The following MAP7 variants were observed in gnomAD, a reference collection of about 807,000 sequenced individuals.
MAP7 encodes the protein ensconsin.
Under a neutral mutation model 94.8 loss-of-function variants are expected in MAP7, and 52 were observed. The observed-to-expected ratio is 0.55, with a 90% confidence interval of 0.44 to 0.69. The LOEUF (loss-of-function observed/expected upper bound fraction) is 0.69, where lower values mean the gene tolerates loss of function less well. MAP7 is among the 30% of genes least tolerant of loss of function. The pLI, the probability that MAP7 is intolerant of heterozygous loss-of-function variation, is 0.00. For missense variants in MAP7, 940 were observed against 964.6 expected (o/e 0.97, Z 0.34); for synonymous variants, 350 against 357.0 (o/e 0.98, Z 0.22).
Position 136,361,021 on chromosome 6 carries a change from T to A in MAP7, c.1685A>T (p.Glu562Val), listed in dbSNP as rs1331193313. 1 of 1,574,794 alleles carries A rather than the reference T, an allele frequency of 6.4e-7. No individual in the cohort carries two copies. Among genetic ancestry groups the A allele is most frequent in the Non-Finnish European group, 8.6e-7 (1 of 1,166,756 alleles). ...CGGCCGCACCTGCCTCTGGGCGCGC[T>A]CTGCCTCCTCCCGCTCGCGCAGCGC... ...ERALREREEA[E>V]RAQRQKEEEA... The change falls in exon 12 of 18, where the codon GAG (glutamate) becomes GTG (valine). Residue 562 changes from glutamate (E) to valine (V), a missense_variant. Glu to Val is a moderately radical substitution (Grantham distance 121, BLOSUM62 -2). Coordinates refer to ENST00000354570, the MANE Select transcript of MAP7 (RefSeq NM_003980.6).
intron 1 of MAP7, among the ~76,000 whole-genome samples, chr6:136,458,019 T>G (rs1803914158): frequency 6.6e-6 from 1 of 152,130 alleles, no homozygotes; most frequent in Non-Finnish European, 1.5e-5. Flanking sequence ...CATGATCTTA[T>G]TTGTAAAAAA....
Position 136,362,386 on chromosome 6 carries a change from A to G in MAP7, c.1526+64T>C. On this transcript the variant is annotated intron_variant, in intron 11 of 17. Coordinates refer to ENST00000354570, the MANE Select transcript of MAP7 (RefSeq NM_003980.6). ...AGTATTATCACCTCCTCCCTCTCAG[A>G]GGGGTGATGAGTTAATCCAAAGTAT... 3.8e-6 allele frequency: 6 copies of G among 1,576,096 alleles called. No homozygotes were observed. The South Asian group carries it at 7.0e-5, about 18-fold the overall frequency.
At position 136,359,992 on chromosome 6, in the gene MAP7, C is replaced by G. The variant is rs147645484; in HGVS notation, c.1843G>C (p.Ala615Pro). ...EIMKRTRRTE[A>P]TDKKTSDQRN... ...GGCCATGTCAATACCTTATCTGTAG[C>G]TTCTGTTCTCCTGGTTCTTTTCATA... The change falls in exon 14 of 18, where the codon GCT becomes CCT. Residue 615 changes from alanine to proline, a missense_variant. Ala to Pro is a conservative substitution (Grantham distance 27). Coordinates refer to ENST00000354570, the MANE Select transcript of MAP7 (RefSeq NM_003980.6). 2.4e-5 allele frequency: 38 copies of G among 1,613,412 alleles called. No individual in the cohort carries two copies. In the East Asian group the frequency reaches 8.0e-4, roughly 34 times the overall value.
chr6:136,473,109 C>G (rs1265358628), intron 1 of MAP7, among the ~76,000 whole-genome samples: 4 of 152,208 alleles, frequency 2.6e-5, no homozygotes, highest in Non-Finnish European at 5.9e-5. Flanking sequence ...TCAATCACCT[C>G]TGTTAAATCT....
chr6:136,464,858 T>C (rs1318044295), intron 1 of MAP7, among the ~76,000 whole-genome samples: 2 of 152,222 alleles, frequency 1.3e-5, no homozygotes, highest in Non-Finnish European at 2.9e-5. Context: ...TAACATCCCC[T>C]GCCCTCTATG....
At chr6:136,360,608 G>T in intron 13 of MAP7, 89 bp downstream of exon 13, 1 of 1,077,926 alleles carries the variant, frequency 9.3e-7, no homozygotes. Context: ...GGCAAGGGTA[G>T]AACACGCGTT....
At chr6:136,532,378 G>C (rs1348697607) in intron 1 of MAP7, among the ~76,000 whole-genome samples, 1 of 152,098 alleles carries the variant, frequency 6.6e-6, no homozygotes, top group African/African-American at 2.4e-5. Context: ...TAACATAGGA[G>C]ACATAACATA....
At chr6:136,502,380 G>A (rs183899603) in intron 1 of MAP7, among the ~76,000 whole-genome samples, 4 of 152,312 alleles carry the variant, frequency 2.6e-5, no homozygotes, top group Admixed American at 1.3e-4. Flanking sequence ...TTTGTGATTC[G>A]TAATAAAATA....
intron 8 of MAP7, among the ~76,000 whole-genome samples, chr6:136,372,180 C>G (rs546032598): frequency 6.6e-6 from 1 of 152,280 alleles, no homozygotes; most frequent in Non-Finnish European, 1.5e-5. Flanking sequence ...TTCCTACTTT[C>G]AAAAATGAAA....
intron 1 of MAP7, among the ~76,000 whole-genome samples, chr6:136,513,474 T>A (rs77538910): frequency 0.033 from 4,999 of 152,304 alleles, 265 homozygotes; most frequent in African/African-American, 0.11. Flanking sequence ...TTCAGTCACA[T>A]CTTCAGGCTC....
intron 1 of MAP7, among the ~76,000 whole-genome samples, chr6:136,440,701 A>G (rs1253484420): frequency 6.6e-6 from 1 of 152,118 alleles, no homozygotes; most frequent in Non-Finnish European, 1.5e-5. Flanking sequence ...TTTAGTAAGA[A>G]TTAAGATCTA....
In MAP7 at chr6:136,369,241, C is replaced by T. The variant is rs1038273891; in HGVS notation, c.877-2802G>A. 7.2e-5 allele frequency among the ~76,000 whole-genome samples: 11 copies of T among 152,272 alleles called. No homozygotes were observed. The South Asian group carries it at 2.3e-3, about 32-fold the overall frequency. ...GAGATACTCAATTGGTGAAAAGCTA[C>T]AGTGATCAGTACTGTGTGGTAATGG... is the stretch of plus-strand genomic sequence containing the variant. On this transcript the variant is annotated intron_variant, in intron 8 of 17. Transcript: ENST00000354570.
intron 3 of MAP7, among the ~76,000 whole-genome samples, chr6:136,402,975 C>T (rs1013647568): frequency 1.4e-5 from 2 of 146,906 alleles, no homozygotes; most frequent in African/African-American, 5.1e-5. Flanking sequence ...CTTACTATCT[C>T]AGGGCTAGGC....
chr6:136,472,679 A>G (rs1809438522), intron 1 of MAP7, among the ~76,000 whole-genome samples: 2 of 152,150 alleles, frequency 1.3e-5, no homozygotes, highest in African/African-American at 4.8e-5. Context: ...CAAGTCTAAT[A>G]TACCCAAAAG....
chr6:136,366,687 A>G (rs1328009038), intron 8 of MAP7, among the ~76,000 whole-genome samples: 1 of 152,240 alleles, frequency 6.6e-6, no homozygotes, highest in Non-Finnish European at 1.5e-5. Flanking sequence ...GTCAAAAAGC[A>G]TATGTGTGTA....
At chr6:136,439,677 A>G (rs1328052992) in intron 1 of MAP7, among the ~76,000 whole-genome samples, 1 of 152,018 alleles carries the variant, frequency 6.6e-6, no homozygotes, top group Non-Finnish European at 1.5e-5. Flanking sequence ...TTTGTTTCCC[A>G]CTTCATCACT....
rs1056875188 is a variant in MAP7, at chr6:136,389,629, T to C, written c.245-112A>G. On this transcript the variant is annotated intron_variant, in intron 3 of 17. Coordinates refer to ENST00000354570, the MANE Select transcript of MAP7 (RefSeq NM_003980.6). ...GTCTACAATGAACAAATATGGGTTC[T>C]TTAGTTTTGTATTAACCAAGCATGG... 46 of 933,712 alleles carry C rather than the reference T, an allele frequency of 4.9e-5. No homozygotes were observed. The African/African-American group carries it at 6.9e-4, about 14-fold the overall frequency. The allele number at this position is 933,712 out of a possible 1,614,324, so 57.8% of individuals were successfully genotyped here. A position where few individuals can be genotyped will look rare whatever the true frequency, so the allele number is the denominator to read the frequency against.
At chr6:136,488,444 CTTTTTTT>C (rs1262255093) in intron 1 of MAP7, among the ~76,000 whole-genome samples, 1 of 133,422 alleles carries the variant, frequency 7.5e-6, no homozygotes, top group Non-Finnish European at 1.6e-5. Flanking sequence ...ATGCTAGGTA[CTTTTTTT>C]TTTTTTTTTT....
At chr6:136,526,643 G>A (rs1351632877) in intron 1 of MAP7, 8 of 985,440 alleles carry the variant, frequency 8.1e-6, no homozygotes, top group African/African-American at 3.5e-5. Context: ...CTTCCTCTCA[G>A]CGGCAGCGCA....
Sources: gnomAD v4.1 joint callset for allele counts (sites outside exome capture counted in the v4.1 genomes callset) on GRCh38, gnomAD v4.1.1 for gene constraint, MANE v1.5 for transcripts, NCBI Gene and HGNC (gene_info 2026-07-23, HGNC 2026-07-21) for gene names.